The following FAM204A variants were observed in gnomAD, a reference collection of about 807,000 sequenced individuals.
FAM204A encodes protein FAM204A.
Under a neutral mutation model 35.4 loss-of-function variants are expected in FAM204A, and 16 were observed. The observed-to-expected ratio is 0.45, with a 90% CI of 0.31 to 0.69. The LOEUF is 0.69. Among genes scored for constraint, FAM204A ranks in the 30% least tolerant of loss-of-function variants. FAM204A has a pLI of 0.07. For missense variants in FAM204A, 240 were observed against 265.7 expected (o/e 0.90, Z 0.67); for synonymous variants, 76 against 86.9 (o/e 0.88, Z 0.70).
chr10:118,311,146 A>G (rs2133263278), intron 8 of FAM204A, 61 bp downstream of exon 8: 1 of 1,460,522 alleles, frequency 6.8e-7, no homozygotes. Context: ...ATCACAAAAT[A>G]TATTAGCAGA....
intron 7 of FAM204A, among the ~76,000 whole-genome samples, chr10:118,321,724 C>CAAAAAAAAAAAAAAAA (rs200200755): frequency 3.3e-4 from 29 of 87,230 alleles, no homozygotes; most frequent in Admixed American, 6.1e-4. Context: ...TATGACAAAG[C>CAAAAAAAAAAAAAAAA]AAAAAAAAAA....
chr10:118,299,044 A>C lies in FAM204A; in HGVS notation c.*11813T>G, dbSNP rs985890014. The C allele has an allele frequency of 2.0e-5, 3 of 152,182 alleles. No homozygotes were observed. The highest frequency in any genetic ancestry group is 2.0e-4 in the Admixed American group (3 of 15,276). 9.4% of individuals were successfully genotyped at this position (152,182 alleles called of 1,614,324 possible). ...CTGTAATCCTTCTCTGGCCCCCTGGACAGTGTACGTGTGAGTGACGGTTCC... is the reference window on the plus strand; with the variant it reads ...CTGTAATCCTTCTCTGGCCCCCTGGCCAGTGTACGTGTGAGTGACGGTTCC... On this transcript the variant is annotated 3_prime_UTR_variant, in exon 9 of 9. Coordinates refer to ENST00000369183, the MANE Select transcript of FAM204A (RefSeq NM_022063.3).
At chr10:118,316,449 A>G (rs1846031883) in intron 7 of FAM204A, among the ~76,000 whole-genome samples, 1 of 152,188 alleles carries the variant, frequency 6.6e-6, no homozygotes. Context: ...GCTAGGCCAT[A>G]TCCAGTCACT....
chr10:118,340,458 A>T (rs1846459467), intron 2 of FAM204A, among the ~76,000 whole-genome samples: 1 of 152,168 alleles, frequency 6.6e-6, no homozygotes, highest in Admixed American at 6.5e-5. Context: ...ACAGCTCTAA[A>T]ATGCCTCTTT....
At chr10:118,336,555 T>A (rs927567824) in intron 2 of FAM204A, 132 bp from the exon 3 acceptor site, 7 of 696,464 alleles carry the variant, frequency 1.0e-5, no homozygotes, top group African/African-American at 3.6e-5. Context: ...TTTTTTTTTT[T>A]AATCTAAAAT....
chr10:118,302,536 TTTAA>T lies in FAM204A; in HGVS notation c.*8317_*8320del, dbSNP rs1845818901. 6.6e-6 allele frequency: 1 copy of T among 152,262 alleles called. No homozygotes were observed. Among genetic ancestry groups the T allele is most frequent in the South Asian group, 2.1e-4 (1 of 4,834 alleles). 9.4% of individuals were successfully genotyped at this position (152,262 alleles called of 1,614,324 possible). On this transcript the variant is annotated 3_prime_UTR_variant, in exon 9 of 9. Coordinates refer to ENST00000369183, the MANE Select transcript of FAM204A (RefSeq NM_022063.3). ...AAGGTGCACAGAAACATCTGAGGACTTTAATTAAGCCCTCCACCATCGGGAATGG... is the reference window on the plus strand; with the variant it reads ...AAGGTGCACAGAAACATCTGAGGACTTTAAGCCCTCCACCATCGGGAATGG...
intron 7 of FAM204A, among the ~76,000 whole-genome samples, chr10:118,318,192 TAAAC>T: frequency 6.6e-6 from 1 of 151,892 alleles, no homozygotes; most frequent in East Asian, 1.9e-4. Context: ...AGAGTAATAA[TAAAC>T]AAGCAAACAA....
At chr10:118,319,927 A>C (rs1418009253) in intron 7 of FAM204A, among the ~76,000 whole-genome samples, 1 of 151,966 alleles carries the variant, frequency 6.6e-6, no homozygotes, top group Admixed American at 6.6e-5. Context: ...GAAAAAGGAT[A>C]ATCTTTAAGG....
rs572551299 is a variant in FAM204A at position 118,308,583 on chromosome 10, C to G, written c.*2274G>C. ...TAACGTTTTAGAGCTTTCCACAACC[C>G]ATGCCCAGAAAGGAGTGACGACTTG... On this transcript the variant is annotated 3_prime_UTR_variant, in exon 9 of 9. Coordinates refer to ENST00000369183, the MANE Select transcript of FAM204A (RefSeq NM_022063.3). 1 of 152,322 alleles carries G rather than the reference C, an allele frequency of 6.6e-6. No individual in the cohort carries two copies. The highest frequency in any genetic ancestry group is 2.4e-5 in the African/African-American group (1 of 41,558). 9.4% of individuals were successfully genotyped at this position (152,322 alleles called of 1,614,324 possible).
rs1845783069 is a variant in FAM204A at position 118,299,390 on chromosome 10, G to GGTTTTTTTTTTTTTTT, written c.*11451_*11466dup. ...AACCTCCTCCTTTCTGCTTCCAGAA[G>GGTTTTTTTTTTTTTTT]GTTTTTTTTTTTTTTTTTTTTTTGA... On this transcript the variant is annotated 3_prime_UTR_variant, in exon 9 of 9. Coordinates refer to ENST00000369183, the MANE Select transcript of FAM204A (RefSeq NM_022063.3). 1.2e-5 allele frequency: 1 copy of GGTTTTTTTTTTTTTTT among 85,402 alleles called. No individual in the cohort carries two copies. Among genetic ancestry groups the GGTTTTTTTTTTTTTTT allele is most frequent in the Non-Finnish European group, 2.2e-5 (1 of 45,830 alleles). The allele number at this position is 85,402 out of a possible 1,614,324, so 5.3% of individuals were successfully genotyped here.
intron 7 of FAM204A, among the ~76,000 whole-genome samples, chr10:118,324,270 A>C (rs1465952564): frequency 6.6e-6 from 1 of 152,178 alleles, no homozygotes; most frequent in Non-Finnish European, 1.5e-5. Context: ...AAGAAAAAAA[A>C]CAAACAGTAA....
intron 2 of FAM204A, chr10:118,337,147 G>T: frequency 1.5e-6 from 1 of 677,946 alleles, no homozygotes; most frequent in Non-Finnish European, 1.8e-6. Flanking sequence ...TTAGTAGAGA[G>T]AACCATTAAG....
At chr10:118,338,540 A>T (rs1033662713) in intron 2 of FAM204A, among the ~76,000 whole-genome samples, 10 of 152,182 alleles carry the variant, frequency 6.6e-5, no homozygotes, top group African/African-American at 2.4e-4. Context: ...TCCATAAAAT[A>T]TTTTACATGC....
At position 118,309,422 on chromosome 10, in the gene FAM204A, T is replaced by C. The variant is rs1413086989; in HGVS notation, c.*1435A>G. 1 of 152,214 alleles carries C rather than the reference T, an allele frequency of 6.6e-6. No homozygotes were observed. The highest frequency in any genetic ancestry group is 2.4e-5 in the African/African-American group (1 of 41,444). 9.4% of individuals were successfully genotyped at this position (152,214 alleles called of 1,614,324 possible). On this transcript the variant is annotated 3_prime_UTR_variant, in exon 9 of 9. Coordinates refer to ENST00000369183, the MANE Select transcript of FAM204A (RefSeq NM_022063.3). ...TAATATAATCATGATTCATTTTACA[T>C]GTTTCTGAATTTATATTATCAACCC... is the stretch of plus-strand genomic sequence containing the variant.
intron 7 of FAM204A, among the ~76,000 whole-genome samples, chr10:118,315,258 A>AC (rs994793296): frequency 6.6e-6 from 1 of 152,234 alleles, no homozygotes; most frequent in African/African-American, 2.4e-5. Flanking sequence ...TTTAAAAGAC[A>AC]AACTTCAAAA....
chr10:118,310,990 GCAAAA>G (rs1238486262), intron 8 of FAM204A, 82 bp from the exon 9 acceptor site: 1 of 1,392,652 alleles, frequency 7.2e-7, no homozygotes, highest in African/African-American at 1.5e-5. Flanking sequence ...AGAGACCAAA[GCAAAA>G]CAAACAAAAA....
At chr10:118,311,560 C>T in intron 7 of FAM204A, 2 of 370,206 alleles carry the variant, frequency 5.4e-6, no homozygotes, top group Non-Finnish European at 9.5e-6. Flanking sequence ...CAAACTGAGG[C>T]CCCTCGAGGG....
intron 6 of FAM204A, among the ~76,000 whole-genome samples, chr10:118,329,024 T>TTCA (rs1297907033): frequency 7.9e-5 from 12 of 152,178 alleles, no homozygotes; most frequent in African/African-American, 2.9e-4. Flanking sequence ...GCTAATCATC[T>TTCA]TCACACTGAA....
chr10:118,302,574 T>C lies in FAM204A; in HGVS notation c.*8283A>G, dbSNP rs1037267353. On this transcript the variant is annotated 3_prime_UTR_variant, in exon 9 of 9. Transcript: ENST00000369183. ...TCCACCATCGGGAATGGAACTTTTA[T>C]GTACATGGACTTTGGATTTTCTTTT... 7 of 152,260 alleles carry C rather than the reference T, an allele frequency of 4.6e-5. No individual in the cohort carries two copies. Among genetic ancestry groups the C allele is most frequent in the African/African-American group, 1.4e-4 (6 of 41,468 alleles). 9.4% of individuals were successfully genotyped at this position (152,260 alleles called of 1,614,324 possible).
Sources: allele counts gnomAD v4.1 joint callset (sites outside exome capture counted in the v4.1 genomes callset), GRCh38; gene constraint gnomAD v4.1.1; transcripts MANE v1.5; gene names NCBI Gene and HGNC (gene_info 2026-07-23, HGNC 2026-07-21).